Variants in GALNT13 observed in about 807,000 individuals in gnomAD.
GALNT13 encodes the protein polypeptide N-acetylgalactosaminyltransferase 13, also known as UDP-GalNAc:polypeptide N-acetylgalactosaminyltransferase 13.
A neutral mutation model predicts 64.2 loss-of-function variants in GALNT13; 28 were observed. That is an observed-to-expected ratio of 0.44 (90% CI 0.32 to 0.60). GALNT13 has a LOEUF of 0.60. GALNT13 is among the 20% of genes least tolerant of loss of function. The pLI is 0.05. For synonymous variants in GALNT13, 214 were observed against 224.6 expected (o/e 0.95, Z 0.42); for missense variants, 577 against 669.8 (o/e 0.86, Z 1.53).
At chr2:154,034,169 T>C (rs1450638465) in intron 3 of GALNT13, among the ~76,000 whole-genome samples, 4 of 152,116 alleles carry the variant, frequency 2.6e-5, no homozygotes, top group Non-Finnish European at 4.4e-5. Context: ...ATCTTATACG[T>C]AAATATTATA....
chr2:153,295,793 TAAG>T, the GALNT13 span, among the ~76,000 whole-genome samples: 1 of 152,150 alleles, frequency 6.6e-6, no homozygotes, highest in Non-Finnish European at 1.5e-5. Context: ...ATCTGCATCA[TAAG>T]AAGATTCTCA....
intron 3 of GALNT13, among the ~76,000 whole-genome samples, chr2:154,026,537 T>C (rs1004486176): frequency 6.6e-6 from 1 of 152,162 alleles, no homozygotes; most frequent in Non-Finnish European, 1.5e-5. Context: ...AGTCTGAGAT[T>C]AGGGTGCCAG....
the GALNT13 span, among the ~76,000 whole-genome samples, chr2:153,827,274 C>T: frequency 2.0e-5 from 3 of 152,028 alleles, no homozygotes; most frequent in African/African-American, 7.2e-5. Flanking sequence ...TCAATTACAC[C>T]CCACTGGGTT....
At chr2:154,290,486 C>T (rs772226571) in intron 8 of GALNT13, among the ~76,000 whole-genome samples, 1 of 152,216 alleles carries the variant, frequency 6.6e-6, no homozygotes, top group South Asian at 2.1e-4. Context: ...ACATACAGGA[C>T]ATGCCTTCCT....
intron 9 of GALNT13, among the ~76,000 whole-genome samples, chr2:154,349,534 G>A (rs1696267950): frequency 6.6e-6 from 1 of 152,194 alleles, no homozygotes; most frequent in Non-Finnish European, 1.5e-5. Context: ...AAACAACATT[G>A]CTGTTAGGTC....
the GALNT13 span, among the ~76,000 whole-genome samples, chr2:153,118,146 C>CA: frequency 0.87 from 125,302 of 144,316 alleles, 54,300 homozygotes; most frequent in Non-Finnish European, 0.94. Flanking sequence ...CACACACACA[C>CA]CCCACATAAA....
the GALNT13 span, among the ~76,000 whole-genome samples, chr2:153,812,867 G>T: frequency 6.6e-6 from 1 of 152,162 alleles, no homozygotes; most frequent in Non-Finnish European, 1.5e-5. Context: ...TATCTCACAG[G>T]AATGTTGACT....
chr2:153,255,271 A>G, the GALNT13 span, among the ~76,000 whole-genome samples: 1 of 140,018 alleles, frequency 7.1e-6, no homozygotes, highest in African/African-American at 2.8e-5. Flanking sequence ...AGTCTGTTTT[A>G]TCAGAGACTA....
intron 2 of GALNT13, among the ~76,000 whole-genome samples, chr2:153,928,175 T>C (rs1326580357): frequency 6.6e-6 from 1 of 152,086 alleles, no homozygotes; most frequent in Non-Finnish European, 1.5e-5. Flanking sequence ...TAATATATTA[T>C]TCCTCATTAT....
intron 9 of GALNT13, among the ~76,000 whole-genome samples, chr2:154,316,693 G>C (rs1253836467): frequency 6.6e-6 from 1 of 152,150 alleles, no homozygotes; most frequent in Non-Finnish European, 1.5e-5. Context: ...GGGAATGCTC[G>C]TCAGCTCAGG....
intron 2 of GALNT13, among the ~76,000 whole-genome samples, chr2:153,941,624 G>T (rs1239336119): frequency 6.6e-6 from 1 of 152,090 alleles, no homozygotes; most frequent in African/African-American, 2.4e-5. Flanking sequence ...GCTTACGTTG[G>T]TTAGTATTCT....
In GALNT13 at chr2:154,242,211, TTTG is replaced by T; in HGVS notation, c.478+18_478+20del. On this transcript the variant is annotated intron_variant, in intron 5 of 12. Coordinates refer to ENST00000392825, the MANE Select transcript of GALNT13 (RefSeq NM_052917.4). ...CAGTGAAAGAGGTACAAACTGGTTT[TTTG>T]TTTTTGTTTTTGTTTTTTTGTTTTG... 6.3e-7 allele frequency: 1 copy of T among 1,598,886 alleles called. No individual in the cohort carries two copies. The highest frequency in any genetic ancestry group is 2.2e-5 in the East Asian group (1 of 44,668).
chr2:154,425,434 G>T (rs1042395649), intron 11 of GALNT13, among the ~76,000 whole-genome samples: 24 of 152,238 alleles, frequency 1.6e-4, no homozygotes, highest in Middle Eastern at 6.8e-3. Flanking sequence ...CAAAGATCAG[G>T]TATCTTGCTG....
chr2:153,765,873 G>A, the GALNT13 span, among the ~76,000 whole-genome samples: 2 of 152,040 alleles, frequency 1.3e-5, no homozygotes, highest in Non-Finnish European at 2.9e-5. Flanking sequence ...TTTATAAATG[G>A]GAGTCCCCCT....
At chr2:153,912,348 GTT>G (rs1189175708) in intron 2 of GALNT13, among the ~76,000 whole-genome samples, 1 of 151,992 alleles carries the variant, frequency 6.6e-6, no homozygotes, top group Non-Finnish European at 1.5e-5. Context: ...GGGTTTCAGT[GTT>G]TTCATGAATC....
intron 4 of GALNT13, among the ~76,000 whole-genome samples, chr2:154,145,009 C>G (rs181141886): frequency 1.4e-5 from 2 of 147,444 alleles, no homozygotes; most frequent in Admixed American, 6.8e-5. Context: ...AAATGTTTTA[C>G]CTTCTTGAAG....
At chr2:153,676,513 A>G in the GALNT13 span, among the ~76,000 whole-genome samples, 3 of 152,182 alleles carry the variant, frequency 2.0e-5, no homozygotes, top group South Asian at 2.1e-4. Context: ...AGCTCATTCT[A>G]TAAGGCCAGC....
At chr2:153,665,638 C>A in the GALNT13 span, among the ~76,000 whole-genome samples, 1 of 152,078 alleles carries the variant, frequency 6.6e-6, no homozygotes, top group Non-Finnish European at 1.5e-5. Context: ...AAATGGATGA[C>A]CAGACTCTGG....
chr2:154,150,816 C>A (rs112546414), intron 4 of GALNT13, among the ~76,000 whole-genome samples: 1 of 152,082 alleles, frequency 6.6e-6, no homozygotes, highest in Non-Finnish European at 1.5e-5. Context: ...TGATTCTTCT[C>A]TCTTTTCTTC....
Sources: gnomAD v4.1 joint callset for allele counts (sites outside exome capture counted in the v4.1 genomes callset) on GRCh38, gnomAD v4.1.1 for gene constraint, MANE v1.5 for transcripts, NCBI Gene and HGNC (gene_info 2026-07-23, HGNC 2026-07-21) for gene names.